OR6P1: variants seen among roughly 807,000 people sequenced by gnomAD.
OR6P1 encodes the protein olfactory receptor 6P1.
In OR6P1, 5 loss-of-function variants were observed where a neutral mutation model predicts 6.6. The ratio of observed to expected loss-of-function variants is 0.76; its 90% CI spans 0.40 to 1.60. The LOEUF is 1.60. OR6P1 is among the 40% of genes most tolerant of loss of function. OR6P1 has a pLI of 0.02. For synonymous variants in OR6P1, 177 were observed against 149.6 expected (o/e 1.18, Z -1.33); for missense variants, 451 against 383.0 (o/e 1.18, Z -1.48).
At position 158,570,551 on chromosome 1, in the gene OR6P1, C is replaced by A. The variant is rs1648211363; in HGVS notation, c.-227G>T. The A allele has an allele frequency of 6.6e-6, 1 of 152,146 alleles. No individual in the cohort carries two copies. Among genetic ancestry groups the A allele is most frequent in the South Asian group, 2.1e-4 (1 of 4,824 alleles). The allele number at this position is 152,146 out of a possible 1,614,324, so 9.4% of individuals were successfully genotyped here. A position where few individuals can be genotyped will look rare whatever the true frequency, so the allele number is the denominator to read the frequency against. The stretch of plus-strand genomic sequence containing the variant: ...TGATATTTGTCAATAGGCTGATTAA[C>A]TTTTGCCTCTGGGCAGGTATGGTTT... On this transcript the variant is annotated 5_prime_UTR_variant, in exon 1 of 3. Transcript: ENST00000641540.
chr1:158,563,378 A>G lies in OR6P1; in HGVS notation c.227T>C (p.Val76Ala), dbSNP rs1648010265. The change falls in exon 3 of 3, where the codon GTC becomes GCC. Residue 76 changes from valine to alanine, a missense_variant. Val to Ala is a moderately conservative substitution (Grantham distance 64). Transcript: ENST00000641540. ...LSFLELWYIN[V>A]TIPRLLAAFL... Reference sequence around the variant, plus strand: ...GGCTGCCAAGAGCCGAGGAATGGTGACATTGATGTACCATAGCTCCAGGAA... The same window carrying G: ...GGCTGCCAAGAGCCGAGGAATGGTGGCATTGATGTACCATAGCTCCAGGAA... 2 of 1,551,588 alleles carry G rather than the reference A, an allele frequency of 1.3e-6. No homozygotes were observed. The highest frequency in any genetic ancestry group is 1.7e-6 in the Non-Finnish European group (2 of 1,146,900).
At chr1:158,568,396 C>T (rs1399905961) in intron 1 of OR6P1, among the ~76,000 whole-genome samples, 1 of 152,096 alleles carries the variant, frequency 6.6e-6, no homozygotes, top group African/African-American at 2.4e-5. Context: ...ATTTTTATAT[C>T]AAGGGAGGAT....
intron 2 of OR6P1, among the ~76,000 whole-genome samples, chr1:158,564,106 C>A (rs1300411843): frequency 6.6e-6 from 1 of 152,152 alleles, no homozygotes; most frequent in Non-Finnish European, 1.5e-5. Flanking sequence ...CAAGGCAACA[C>A]GGCAGTATGA....
intron 2 of OR6P1, among the ~76,000 whole-genome samples, chr1:158,565,826 C>G (rs1340904471): frequency 6.6e-6 from 1 of 152,072 alleles, no homozygotes; most frequent in Admixed American, 6.6e-5. Context: ...TACCATAGCT[C>G]CATGAATGAA....
At position 158,560,868 on chromosome 1, in the gene OR6P1, T is replaced by C. The variant is rs1647935785; in HGVS notation, c.*1783A>G. ...TGAAGCTATTATTTCCCACTAGATA[T>C]CCTTAATACATTCATCATCCTCCCA... is the stretch of plus-strand genomic sequence containing the variant. On this transcript the variant is annotated 3_prime_UTR_variant, in exon 3 of 3. Coordinates refer to ENST00000641540, the MANE Select transcript of OR6P1 (RefSeq NM_001160325.2). 1 of 152,176 alleles carries C rather than the reference T, an allele frequency of 6.6e-6. No individual in the cohort carries two copies. Among genetic ancestry groups the C allele is most frequent in the Admixed American group, 6.5e-5 (1 of 15,274 alleles). 9.4% of individuals were successfully genotyped at this position (152,176 alleles called of 1,614,324 possible).
intron 2 of OR6P1, among the ~76,000 whole-genome samples, chr1:158,565,505 T>C (rs1472799740): frequency 1.3e-5 from 2 of 152,300 alleles, no homozygotes; most frequent in South Asian, 2.1e-4. Context: ...ATGTTTATTG[T>C]TTCCTGTACT....
intron 1 of OR6P1, among the ~76,000 whole-genome samples, chr1:158,568,187 GA>G (rs1648146698): frequency 6.6e-6 from 1 of 152,128 alleles, no homozygotes; most frequent in African/African-American, 2.4e-5. Context: ...CTCCCTGTTT[GA>G]AGAGGCCCTC....
Position 158,562,786 on chromosome 1 carries a change from A to G in OR6P1, c.819T>C (p.Ile273=). 6.4e-7 allele frequency: 1 copy of G among 1,552,530 alleles called. No homozygotes were observed. The highest frequency in any genetic ancestry group is 8.7e-7 in the Non-Finnish European group (1 of 1,147,416). The change falls in exon 3 of 3, where the codon ATT becomes ATC. Residue 273 remains isoleucine (I), a synonymous_variant. Coordinates refer to ENST00000641540, the MANE Select transcript of OR6P1 (RefSeq NM_001160325.2). ...RAMYTFNHNK[I]ISVLYTIIVP... ...CAATGATAGTGTAGAGCACAGAGAT[A>G]ATCTTGTTGTGGTTGAAGGTGTACA...
Position 158,562,752 on chromosome 1 carries a change from A to G in OR6P1, c.853T>C (p.Phe285Leu). Residue 285 changes from phenylalanine (F) to leucine (L), a missense_variant, in exon 3 of 3, where the codon TTC becomes CTC. Physicochemically the swap from Phe to Leu is conservative, Grantham distance 22 (BLOSUM62 0). Coordinates refer to ENST00000641540, the MANE Select transcript of OR6P1 (RefSeq NM_001160325.2). ...CTCAGGCAGTAGATGGCTGGGTTGA[A>G]GAATGGTACAATGATAGTGTAGAGC... ...SVLYTIIVPF[F>L]NPAIYCLRNK... is the part of the protein sequence containing the mutation. The G allele has an allele frequency of 1.9e-6, 3 of 1,557,922 alleles. No homozygotes were observed. Among genetic ancestry groups the G allele is most frequent in the Non-Finnish European group, 8.7e-7 (1 of 1,150,236 alleles).
At position 158,562,275 on chromosome 1, in the gene OR6P1, G is replaced by A. The variant is rs7534112; in HGVS notation, c.*376C>T. Reference sequence around the variant, plus strand: ...TCTCATATTATATTTTCTCACTTACGAAATAATGGGCTTGGTCTAGACTAG... The same window carrying A: ...TCTCATATTATATTTTCTCACTTACAAAATAATGGGCTTGGTCTAGACTAG... On this transcript the variant is annotated 3_prime_UTR_variant, in exon 3 of 3. Coordinates refer to ENST00000641540, the MANE Select transcript of OR6P1 (RefSeq NM_001160325.2). 0.6 allele frequency: 97,094 copies of A among 161,620 alleles called. 29,678 individuals are homozygous for A. The highest frequency in any genetic ancestry group is 0.72 in the African/African-American group (29,705 of 41,510). 10.0% of individuals were successfully genotyped at this position (161,620 alleles called of 1,614,324 possible).
At chr1:158,568,379 C>A (rs1648151876) in intron 1 of OR6P1, among the ~76,000 whole-genome samples, 1 of 152,094 alleles carries the variant, frequency 6.6e-6, no homozygotes, top group South Asian at 2.1e-4. Context: ...TCTATTAGTG[C>A]TACAAAATTT....
chr1:158,564,720 T>C (rs1323253614), intron 2 of OR6P1, among the ~76,000 whole-genome samples: 5 of 152,222 alleles, frequency 3.3e-5, no homozygotes, highest in South Asian at 2.1e-4. Flanking sequence ...TCCAGAACTG[T>C]GAGAAAATAA....
At position 158,562,513 on chromosome 1, in the gene OR6P1, T is replaced by G. The variant is rs1647977979; in HGVS notation, c.*138A>C. 1 of 613,594 alleles carries G rather than the reference T, an allele frequency of 1.6e-6. No homozygotes were observed. The highest frequency in any genetic ancestry group is 2.9e-6 in the Non-Finnish European group (1 of 348,744). The allele number at this position is 613,594 out of a possible 1,614,324, so 38.0% of individuals were successfully genotyped here. ...AATAAATGATTCATAAAGTTTCATT[T>G]GTATCAGAAGGTCCCAGACAATATT... On this transcript the variant is annotated 3_prime_UTR_variant, in exon 3 of 3. Coordinates refer to ENST00000641540, the MANE Select transcript of OR6P1 (RefSeq NM_001160325.2).
At chr1:158,565,212 T>G (rs1166004699) in intron 2 of OR6P1, among the ~76,000 whole-genome samples, 1 of 152,174 alleles carries the variant, frequency 6.6e-6, no homozygotes, top group Non-Finnish European at 1.5e-5. Context: ...GACATTTATG[T>G]GGCCACAGGG....
At position 158,570,496 on chromosome 1, in the gene OR6P1, C is replaced by T. The variant is rs1409508951; in HGVS notation, c.-172G>A. 2 of 152,170 alleles carry T rather than the reference C, an allele frequency of 1.3e-5. No homozygotes were observed. The highest frequency in any genetic ancestry group is 2.9e-5 in the Non-Finnish European group (2 of 68,034). The allele number at this position is 152,170 out of a possible 1,614,324, so 9.4% of individuals were successfully genotyped here. Reference sequence around the variant, plus strand: ...TTCACCTACTTCTTTGCTTGCCTGTCTTCCACATTCACACATATACCCTGC... The same window carrying T: ...TTCACCTACTTCTTTGCTTGCCTGTTTTCCACATTCACACATATACCCTGC... On this transcript the variant is annotated 5_prime_UTR_variant, in exon 1 of 3. Transcript: ENST00000641540.
Position 158,563,283 on chromosome 1 carries a change from C to T in OR6P1, c.322G>A (p.Ala108Thr). Reference sequence around the variant, plus strand: ...GCCAACAGCACACATTCAGTACAGGCTAAGGCAATAAAGAAGTACAGTTGG... The same window carrying T: ...GCCAACAGCACACATTCAGTACAGGTTAAGGCAATAAAGAAGTACAGTTGG... ...MTQLYFFIAL[A>T]CTECVLLAVM... is the part of the protein sequence containing the mutation. Residue 108 changes from alanine (A) to threonine (T), a missense_variant, in exon 3 of 3, where the codon GCC (alanine) becomes ACC (threonine). Physicochemically the swap from Ala to Thr is moderately conservative, Grantham distance 58. Transcript: ENST00000641540. 3 of 1,551,510 alleles carry T rather than the reference C, an allele frequency of 1.9e-6. No homozygotes were observed. The highest frequency in any genetic ancestry group is 1.7e-6 in the Non-Finnish European group (2 of 1,146,988).
rs1232857978 is a variant in OR6P1 at position 158,562,789 on chromosome 1, C to G, written c.816G>C (p.Lys272Asn). 2 of 1,552,630 alleles carry G rather than the reference C, an allele frequency of 1.3e-6. No individual in the cohort carries two copies. The highest frequency in any genetic ancestry group is 4.9e-5 in the East Asian group (2 of 40,942). ...PRAMYTFNHN[K>N]IISVLYTIIV... ...TGATAGTGTAGAGCACAGAGATAATCTTGTTGTGGTTGAAGGTGTACATGG... is the reference window on the plus strand; with the variant it reads ...TGATAGTGTAGAGCACAGAGATAATGTTGTTGTGGTTGAAGGTGTACATGG... Residue 272 changes from lysine (K) to asparagine (N), a missense_variant, in exon 3 of 3, where the codon AAG (lysine) becomes AAC (asparagine). Transcript: ENST00000641540.
chr1:158,568,038 G>T lies in OR6P1; in HGVS notation c.-117-1180C>A, dbSNP rs1648141690. Among the ~76,000 whole-genome samples the T allele has an allele frequency of 2.6e-5, 4 of 151,882 alleles. No homozygotes were observed. The South Asian group carries it at 8.3e-4, about 32-fold the overall frequency. On this transcript the variant is annotated intron_variant, in intron 1 of 2. Transcript: ENST00000641540. The stretch of plus-strand genomic sequence containing the variant: ...ACCTTCACGAGTTTCAAGCTCAGTT[G>T]CTGAAAACTGAACCCTTTTTGCTAT...
rs200941162 is a variant in OR6P1 at position 158,563,536 on chromosome 1, G to A, written c.69C>T (p.Leu23=). The change falls in exon 3 of 3, where the codon CTC becomes CTT. Residue 23 remains leucine (L), a synonymous_variant. Transcript: ENST00000641540. ...AAAAAAGGACAAAGAGGAGCAGCTGGAGGGGAGGCGTGGTAGGGAAACCCA... is the reference window on the plus strand; with the variant it reads ...AAAAAAGGACAAAGAGGAGCAGCTGAAGGGGAGGCGTGGTAGGGAAACCCA... ...VLVGFPTTPP[L]QLLLFVLFFA... 6.4e-7 allele frequency: 1 copy of A among 1,551,238 alleles called. No homozygotes were observed. Among genetic ancestry groups the A allele is most frequent in the Non-Finnish European group, 8.7e-7 (1 of 1,146,864 alleles).
Sources: gnomAD v4.1 joint callset for allele counts (sites outside exome capture counted in the v4.1 genomes callset) on GRCh38, gnomAD v4.1.1 for gene constraint, MANE v1.5 for transcripts, NCBI Gene and HGNC (gene_info 2026-07-23, HGNC 2026-07-21) for gene names.